The following WDPCP variants were observed in gnomAD, a reference collection of about 807,000 sequenced individuals.
The protein encoded by WDPCP is WD repeat-containing and planar cell polarity effector protein fritz homolog.
In WDPCP, 71 loss-of-function variants were observed where a neutral mutation model predicts 93.1. The observed-to-expected ratio is 0.76, with a 90% confidence interval of 0.63 to 0.93. WDPCP has a LOEUF of 0.93. Among genes scored for constraint, WDPCP ranks in the 40% least tolerant of loss-of-function variants. WDPCP has a pLI of 0.00. For synonymous variants in WDPCP, 315 were observed against 315.0 expected, an observed-to-expected ratio of 1.00 and a Z score of 0.00; for missense variants, 844 against 887.4, an observed-to-expected ratio of 0.95 and a Z score of 0.62.
intron 1 of WDPCP, among the ~76,000 whole-genome samples, chr2:63,815,098 A>G (rs1401067612): frequency 6.6e-6 from 1 of 152,216 alleles, no homozygotes; most frequent in Non-Finnish European, 1.5e-5. Flanking sequence ...TTCTGTGCCC[A>G]TTAAAAAAAA....
intron 13 of WDPCP, among the ~76,000 whole-genome samples, chr2:63,304,822 G>A (rs1685597285): frequency 1.3e-5 from 2 of 152,132 alleles, no homozygotes. Flanking sequence ...CCACCCCCAT[G>A]GAGCCCAGCA....
chr2:63,608,340 T>G (rs985875655), intron 3 of WDPCP, among the ~76,000 whole-genome samples: 1 of 152,114 alleles, frequency 6.6e-6, no homozygotes, highest in Admixed American at 6.6e-5. Context: ...AAGTAAGTAA[T>G]AAACTAAGCT....
chr2:63,151,114 G>A (rs1303180231), intron 17 of WDPCP, among the ~76,000 whole-genome samples: 2 of 152,132 alleles, frequency 1.3e-5, no homozygotes, highest in Non-Finnish European at 2.9e-5. Flanking sequence ...TCTCTATAAA[G>A]ACCCTTCCAG....
Position 63,512,672 on chromosome 2 carries a change from C to T in WDPCP, c.76-19732G>A, listed in dbSNP as rs989436638. On this transcript the variant is annotated intron_variant, in intron 1 of 17. Transcript: ENST00000272321. ...AAACCAAACACCTCATGTTCTCACT[C>T]GTAAGTAGGAGTTGAACAATGAGAA... is the stretch of plus-strand genomic sequence containing the variant. 3.9e-5 allele frequency among the ~76,000 whole-genome samples: 6 copies of T among 152,098 alleles called. No homozygotes were observed. The South Asian group carries it at 1.2e-3, about 32-fold the overall frequency.
At chr2:63,832,830 A>T (rs961259022), upstream of WDPCP, among the ~76,000 whole-genome samples, 1 of 152,234 alleles carries the variant, frequency 6.6e-6, no homozygotes, top group Non-Finnish European at 1.5e-5. Context: ...AAGGGGAAAT[A>T]AATATTTAAT....
At chr2:63,534,542 A>C (rs1217141460) in intron 1 of WDPCP, among the ~76,000 whole-genome samples, 2 of 152,226 alleles carry the variant, frequency 1.3e-5, no homozygotes, top group Non-Finnish European at 2.9e-5. Flanking sequence ...CCTGGGATGC[A>C]AGACTGGTTC....
intron 6 of WDPCP, among the ~76,000 whole-genome samples, chr2:63,456,144 G>A (rs1484228138): frequency 6.6e-6 from 1 of 152,134 alleles, no homozygotes; most frequent in Non-Finnish European, 1.5e-5. Context: ...GAGGCAAGGC[G>A]AGGTGGCTCA....
At chr2:63,736,983 T>C (rs1669647917) in intron 2 of WDPCP, among the ~76,000 whole-genome samples, 1 of 152,122 alleles carries the variant, frequency 6.6e-6, no homozygotes, top group Non-Finnish European at 1.5e-5. Context: ...TATTACCTTA[T>C]AGACTCAAAC....
chr2:63,452,891 G>T (rs1249447380), intron 6 of WDPCP, among the ~76,000 whole-genome samples: 8 of 152,072 alleles, frequency 5.3e-5, no homozygotes, highest in African/African-American at 1.4e-4. Context: ...GCTAGCCATA[G>T]GTAGAAAGCT....
intron 3 of WDPCP, among the ~76,000 whole-genome samples, chr2:63,631,827 A>G (rs1334344474): frequency 6.6e-6 from 1 of 152,186 alleles, no homozygotes; most frequent in Non-Finnish European, 1.5e-5. Flanking sequence ...CTGCTCAGGA[A>G]CTCAATAGCC....
At chr2:63,409,911 T>C (rs536349289) in intron 9 of WDPCP, among the ~76,000 whole-genome samples, 118 of 152,234 alleles carry the variant, frequency 7.8e-4, no homozygotes, top group Non-Finnish European at 1.2e-3. Context: ...CTAAGAATAA[T>C]TGGTGTTCCT....
chr2:63,437,275 A>T, intron 8 of WDPCP, 146 bp downstream of exon 8: 1 of 693,270 alleles, frequency 1.4e-6, no homozygotes. Context: ...GCCACTGTTT[A>T]CAGTTAATTA....
At chr2:63,793,925 T>C (rs2104011376) in intron 2 of WDPCP, among the ~76,000 whole-genome samples, 1 of 151,576 alleles carries the variant, frequency 6.6e-6, no homozygotes, top group African/African-American at 2.4e-5. Flanking sequence ...ATTGCCATTT[T>C]TAGAATGCAG....
chr2:63,431,685 A>G (rs922923987), intron 9 of WDPCP, among the ~76,000 whole-genome samples: 1 of 152,098 alleles, frequency 6.6e-6, no homozygotes, highest in Non-Finnish European at 1.5e-5. Flanking sequence ...ACACACACAC[A>G]AGAAAAACAA....
At chr2:63,530,425 A>G (rs1196781927) in intron 1 of WDPCP, among the ~76,000 whole-genome samples, 1 of 152,104 alleles carries the variant, frequency 6.6e-6, no homozygotes, top group African/African-American at 2.4e-5. Context: ...GGTTTCAAAG[A>G]ACATCTTTAT....
At chr2:63,159,168 T>G (rs1294667437) in intron 15 of WDPCP, among the ~76,000 whole-genome samples, 2 of 150,444 alleles carry the variant, frequency 1.3e-5, no homozygotes, top group Admixed American at 6.6e-5. Context: ...AAAAAAACTT[T>G]TTTTTTTTTT....
At chr2:63,594,478 T>C in intron 3 of WDPCP, 1 of 1,604,974 alleles carries the variant, frequency 6.2e-7, no homozygotes. Flanking sequence ...ATGGGTCTTT[T>C]TCATTACAGT....
At chr2:63,614,481 C>T (rs1189323964) in intron 3 of WDPCP, among the ~76,000 whole-genome samples, 2 of 152,174 alleles carry the variant, frequency 1.3e-5, no homozygotes, top group East Asian at 3.8e-4. Flanking sequence ...GCTCAGAACA[C>T]AACAGCCCAA....
At chr2:63,840,591 G>A in the WDPCP span, among the ~76,000 whole-genome samples, 118 of 152,346 alleles carry the variant, frequency 7.7e-4, 2 homozygotes, top group South Asian at 0.024. Context: ...GTGATGAGGG[G>A]AGCAAGCGTC....
Sources: gnomAD v4.1 joint callset for allele counts (sites outside exome capture counted in the v4.1 genomes callset) on GRCh38, gnomAD v4.1.1 for gene constraint, MANE v1.5 for transcripts, NCBI Gene and HGNC (gene_info 2026-07-23, HGNC 2026-07-21) for gene names.